ZNF66: variants seen among roughly 807,000 people sequenced by gnomAD.
The protein encoded by ZNF66 is putative zinc finger protein 66.
Under a neutral mutation model 35.2 loss-of-function variants are expected in ZNF66, and 32 were observed. That is an observed-to-expected ratio of 0.91 (90% CI 0.69 to 1.22). The LOEUF is 1.22. ZNF66 is among the 50% of genes most tolerant of loss of function. ZNF66 has a pLI of 0.00. For missense variants in ZNF66, 666 were observed against 543.1 expected (o/e 1.23, Z -2.25); for synonymous variants, 231 against 181.3 (o/e 1.27, Z -2.20).
intron 3 of ZNF66, among the ~76,000 whole-genome samples, chr19:20,803,200 CTT>C (rs1383956345): frequency 7.0e-6 from 1 of 142,146 alleles, no homozygotes. Context: ...AAGTATGTCT[CTT>C]GATTTGGAGA....
intron 1 of ZNF66, among the ~76,000 whole-genome samples, chr19:20,784,264 A>C (rs954615064): frequency 6.6e-6 from 1 of 152,210 alleles, no homozygotes; most frequent in African/African-American, 2.4e-5. Flanking sequence ...TAACTGAAGT[A>C]TAGTTACAGT....
intron 3 of ZNF66, among the ~76,000 whole-genome samples, chr19:20,796,522 T>C (rs1285655393): frequency 1.3e-5 from 2 of 152,332 alleles, no homozygotes; most frequent in African/African-American, 4.8e-5. Flanking sequence ...AATAACATAG[T>C]TTATTTCTCA....
chr19:20,799,191 A>G (rs1379993111), intron 3 of ZNF66: 4 of 150,180 alleles, frequency 2.7e-5, no homozygotes, highest in African/African-American at 9.8e-5. Context: ...CCTCCCAAGT[A>G]GCTGGGATTA....
In ZNF66 at chr19:20,808,983, G is replaced by T. The variant is rs971931023; in HGVS notation, c.*1661G>T. Among the ~76,000 whole-genome samples, 2 of 152,100 alleles carry T rather than the reference G, an allele frequency of 1.3e-5. No individual in the cohort carries two copies. Among genetic ancestry groups the T allele is most frequent in the Non-Finnish European group, 2.9e-5 (2 of 68,032 alleles). On this transcript the variant is annotated 3_prime_UTR_variant, in exon 4 of 4. Transcript: ENST00000344519. Reference sequence around the variant, plus strand: ...ACTAGAATAACCAATGCAGAGAAATGCTTAAAGGAGCTGATGGAGCTGAAA... The same window carrying T: ...ACTAGAATAACCAATGCAGAGAAATTCTTAAAGGAGCTGATGGAGCTGAAA...
chr19:20,778,257 G>A (rs780760105), intron 1 of ZNF66, among the ~76,000 whole-genome samples: 9 of 151,912 alleles, frequency 5.9e-5, no homozygotes, highest in Non-Finnish European at 1.0e-4. Context: ...GTGTCACCAC[G>A]TCCAGCCAAT....
At chr19:20,783,121 T>A (rs1051185024) in intron 1 of ZNF66, among the ~76,000 whole-genome samples, 2 of 152,188 alleles carry the variant, frequency 1.3e-5, no homozygotes, top group Non-Finnish European at 2.9e-5. Context: ...CTTGCTGCAT[T>A]CCTCTTGTCA....
chr19:20,797,008 C>T (rs1202365205), intron 3 of ZNF66, among the ~76,000 whole-genome samples: 1 of 151,842 alleles, frequency 6.6e-6, no homozygotes, highest in South Asian at 2.1e-4. Context: ...GTGTCACCAC[C>T]CCTGGCAAAT....
intron 3 of ZNF66, among the ~76,000 whole-genome samples, chr19:20,801,088 T>C (rs1340171780): frequency 2.6e-5 from 4 of 152,124 alleles, no homozygotes; most frequent in Non-Finnish European, 5.9e-5. Context: ...TAATATAATA[T>C]CAGTCATTGT....
intron 1 of ZNF66, among the ~76,000 whole-genome samples, chr19:20,777,566 A>G (rs901765460): frequency 8.8e-5 from 13 of 147,876 alleles, no homozygotes; most frequent in African/African-American, 3.3e-4. Context: ...TTTCCCTGGC[A>G]TTTTTCACAT....
chr19:20,798,467 G>C (rs1599552771), intron 3 of ZNF66, among the ~76,000 whole-genome samples: 1 of 152,084 alleles, frequency 6.6e-6, no homozygotes, highest in Non-Finnish European at 1.5e-5. Context: ...GCATGGTGGT[G>C]TGCAGCTGTG....
chr19:20,777,620 AATT>A (rs150715481), intron 1 of ZNF66, among the ~76,000 whole-genome samples: 3 of 150,272 alleles, frequency 2.0e-5, no homozygotes, highest in East Asian at 1.9e-4. Flanking sequence ...TTCCTCAATT[AATT>A]ATTATTATTA....
chr19:20,790,345 T>A (rs1187954501), intron 1 of ZNF66, among the ~76,000 whole-genome samples: 1 of 136,222 alleles, frequency 7.3e-6, no homozygotes, highest in Non-Finnish European at 1.6e-5. Flanking sequence ...CAGAATCAAG[T>A]ATGAAGGCTT....
chr19:20,797,191 T>A (rs1057332256), intron 3 of ZNF66, among the ~76,000 whole-genome samples: 3 of 15,298 alleles, frequency 2.0e-4, no homozygotes, highest in Non-Finnish European at 3.0e-4. Context: ...CATGCTAGAT[T>A]TTTTTTTTTT....
chr19:20,793,295 GTATTT>G (rs1971356362), intron 2 of ZNF66, among the ~76,000 whole-genome samples: 1 of 131,056 alleles, frequency 7.6e-6, no homozygotes, highest in Non-Finnish European at 1.7e-5. Flanking sequence ...CAAATTGAAA[GTATTT>G]TCTTTTCTTT....
At chr19:20,792,673 C>T (rs1397585981) in intron 2 of ZNF66, 35 bp downstream of exon 2, 6 of 1,112,114 alleles carry the variant, frequency 5.4e-6, no homozygotes, top group Non-Finnish European at 7.8e-6. Context: ...TCATAATATA[C>T]ACAAATTGTT....
At position 20,806,332 on chromosome 19, in the gene ZNF66, T is replaced by G; in HGVS notation, c.732T>G (p.Leu244=). The change falls in exon 4 of 4, where the codon CTT becomes CTG. Residue 244 remains leucine (L), a synonymous_variant. Coordinates refer to ENST00000344519, the MANE Select transcript of ZNF66 (RefSeq NM_001355197.2). ...AAGCCTTTAACCGCTCCTCTAACCT[T>G]ACTACACATAAGAAAATTCATACTG... ...CGKAFNRSSN[L]TTHKKIHTGE... is the part of the protein sequence containing the mutation. 1 of 1,545,082 alleles carries G rather than the reference T, an allele frequency of 6.5e-7. No homozygotes were observed. Among genetic ancestry groups the G allele is most frequent in the South Asian group, 1.1e-5 (1 of 89,660 alleles).
chr19:20,809,715 G>T lies in ZNF66; in HGVS notation c.*2393G>T, dbSNP rs900672572. On this transcript the variant is annotated 3_prime_UTR_variant, in exon 4 of 4. Transcript: ENST00000344519. Reference sequence around the variant, plus strand: ...TGGAAAGGAACAACTGATACCAGCCGCTGCAAAATCATGCCAAAATGTAAA... The same window carrying T: ...TGGAAAGGAACAACTGATACCAGCCTCTGCAAAATCATGCCAAAATGTAAA... Among the ~76,000 whole-genome samples the T allele has an allele frequency of 6.6e-6, 1 of 151,946 alleles. No homozygotes were observed. Among genetic ancestry groups the T allele is most frequent in the Non-Finnish European group, 1.5e-5 (1 of 67,994 alleles).
At chr19:20,801,703 G>A (rs1342428510) in intron 3 of ZNF66, among the ~76,000 whole-genome samples, 1 of 151,868 alleles carries the variant, frequency 6.6e-6, no homozygotes, top group African/African-American at 2.4e-5. Context: ...CATGGCTCAC[G>A]GCTGCTTGAA....
At chr19:20,780,154 G>A (rs1971233178) in intron 1 of ZNF66, among the ~76,000 whole-genome samples, 1 of 152,072 alleles carries the variant, frequency 6.6e-6, no homozygotes, top group Non-Finnish European at 1.5e-5. Flanking sequence ...ATGAGAAAAA[G>A]GAGAAAATGT....
Sources: gnomAD v4.1 joint callset for allele counts (sites outside exome capture counted in the v4.1 genomes callset) on GRCh38, gnomAD v4.1.1 for gene constraint, MANE v1.5 for transcripts, NCBI Gene and HGNC (gene_info 2026-07-23, HGNC 2026-07-21) for gene names.